The following CBL variants were observed in gnomAD, a reference collection of about 807,000 sequenced individuals.
CBL encodes E3 ubiquitin-protein ligase CBL.
In CBL, 45 loss-of-function variants were observed where a neutral mutation model predicts 96.9. The ratio of observed to expected loss-of-function variants is 0.46; its 90% CI spans 0.37 to 0.60. The LOEUF is 0.60. Among genes scored for constraint, CBL ranks in the 20% least tolerant of loss-of-function variants. CBL has a pLI of 0.00. For missense variants in CBL, 1,024 were observed against 1,143.5 expected, an observed-to-expected ratio of 0.90 and a Z score of 1.51; for synonymous variants, 420 against 426.8, an observed-to-expected ratio of 0.98 and a Z score of 0.20.
chr11:119,304,008 C>T lies in CBL; in HGVS notation c.*4227C>T, dbSNP rs750704582. On this transcript the variant is annotated 3_prime_UTR_variant, in exon 16 of 16. Transcript: ENST00000264033. ...GGGCTGGAGGTGTGGGCCCTGTCTTCGGGTCTCAGGACCCAAAGATCCTTT... is the reference window on the plus strand; with the variant it reads ...GGGCTGGAGGTGTGGGCCCTGTCTTTGGGTCTCAGGACCCAAAGATCCTTT... The T allele has an allele frequency of 1.0e-4, 24 of 233,510 alleles. No homozygotes were observed. The highest frequency in any genetic ancestry group is 1.9e-4 in the Non-Finnish European group (22 of 118,048). 14.5% of individuals were successfully genotyped at this position (233,510 alleles called of 1,614,324 possible). A position where few individuals can be genotyped will look rare whatever the true frequency, so the allele number is the denominator to read the frequency against.
intron 2 of CBL, among the ~76,000 whole-genome samples, chr11:119,250,702 C>T (rs899988561): frequency 1.3e-5 from 2 of 152,182 alleles, no homozygotes; most frequent in Non-Finnish European, 2.9e-5. Context: ...GTAATCTCAG[C>T]ACTTTCAGAG....
Position 119,262,876 on chromosome 11 carries a change from A to G in CBL, c.444-8859A>G, listed in dbSNP as rs1048602802. ...GAACTTTGAAGAATGGGCAGGATTT[A>G]GTAACCGTAGTCATTGGAAAGGAAA... On this transcript the variant is annotated intron_variant, in intron 2 of 15. Coordinates refer to ENST00000264033, the MANE Select transcript of CBL (RefSeq NM_005188.4). Among the ~76,000 whole-genome samples, 3 of 152,230 alleles carry G rather than the reference A, an allele frequency of 2.0e-5. No individual in the cohort carries two copies. In the East Asian group the frequency reaches 5.8e-4, roughly 29 times the overall value.
chr11:119,211,758 C>T (rs1400112519), intron 1 of CBL, among the ~76,000 whole-genome samples: 1 of 150,720 alleles, frequency 6.6e-6, no homozygotes, highest in Non-Finnish European at 1.5e-5. Context: ...CCTGCCTCAG[C>T]TTCCAAAAGT....
chr11:119,296,344 T>G (rs1309185588), intron 12 of CBL, among the ~76,000 whole-genome samples: 1 of 152,194 alleles, frequency 6.6e-6, no homozygotes, highest in Non-Finnish European at 1.5e-5. Context: ...AAGTCTTGTT[T>G]CCAAAGTTTC....
intron 2 of CBL, among the ~76,000 whole-genome samples, chr11:119,238,693 T>C (rs1037757845): frequency 1.3e-5 from 2 of 152,018 alleles, no homozygotes; most frequent in African/African-American, 4.8e-5. Flanking sequence ...TAGCCAGGTG[T>C]GCTGGCGAGT....
In CBL at chr11:119,271,727, A is replaced by G; in HGVS notation, c.444-8A>G. The G allele has an allele frequency of 6.2e-7, 1 of 1,613,002 alleles. No homozygotes were observed. Among genetic ancestry groups the G allele is most frequent in the Non-Finnish European group, 8.5e-7 (1 of 1,179,054 alleles). ...TGTGTTTAATTATTGCATTCTGATC[A>G]TTTGTAGGCGAAACCTAACCAAACT... On this transcript the variant is annotated splice_polypyrimidine_tract_variant and splice_region_variant and intron_variant, in intron 2 of 15. Transcript: ENST00000264033.
At position 119,278,204 on chromosome 11, in the gene CBL, C is replaced by T. The variant is rs749897878; in HGVS notation, c.1134C>T (p.Phe378=). ...TATACTGTGAGATGGGCTCCACATT[C>T]CAACTATGTAAAATATGTGCTGAAA... The part of the protein sequence containing the change: ...YELYCEMGST[F]QLCKICAEND... The change falls in exon 8 of 16, where the codon TTC becomes TTT. Residue 378 remains phenylalanine (F), a synonymous_variant. Coordinates refer to ENST00000264033, the MANE Select transcript of CBL (RefSeq NM_005188.4). 1.2e-6 allele frequency: 2 copies of T among 1,610,654 alleles called. No individual in the cohort carries two copies. Among genetic ancestry groups the T allele is most frequent in the South Asian group, 1.1e-5 (1 of 91,018 alleles).
At chr11:119,288,330 T>C (rs897567608) in intron 12 of CBL, among the ~76,000 whole-genome samples, 1 of 152,150 alleles carries the variant, frequency 6.6e-6, no homozygotes, top group Non-Finnish European at 1.5e-5. Context: ...ACATATTGGG[T>C]GGTTTAAATA....
chr11:119,304,613 T>G lies in CBL; in HGVS notation c.*4832T>G, dbSNP rs1261925329. 1 of 229,826 alleles carries G rather than the reference T, an allele frequency of 4.4e-6. No homozygotes were observed. Among genetic ancestry groups the G allele is most frequent in the African/African-American group, 2.2e-5 (1 of 45,050 alleles). 14.2% of individuals were successfully genotyped at this position (229,826 alleles called of 1,614,324 possible). On this transcript the variant is annotated 3_prime_UTR_variant, in exon 16 of 16. Transcript: ENST00000264033. ...TCTGGGGATCACCATGAACAAATTC[T>G]CAATTTCCCATACTTAATTTTTTTT...
At chr11:119,292,341 C>T (rs1171069575) in intron 12 of CBL, among the ~76,000 whole-genome samples, 1 of 151,516 alleles carries the variant, frequency 6.6e-6, no homozygotes, top group African/African-American at 2.4e-5. Flanking sequence ...TAGACCTTTT[C>T]ACTATGTCTC....
intron 1 of CBL, among the ~76,000 whole-genome samples, chr11:119,214,501 G>C (rs561473073): frequency 6.6e-6 from 1 of 152,114 alleles, no homozygotes; most frequent in African/African-American, 2.4e-5. Context: ...CGCCCACTGC[G>C]ACCTCCCAAA....
At chr11:119,290,836 A>ATTTTTTAT (rs1950021804) in intron 12 of CBL, among the ~76,000 whole-genome samples, 1 of 150,772 alleles carries the variant, frequency 6.6e-6, no homozygotes, top group Admixed American at 6.6e-5. Flanking sequence ...TGCCCAGCTA[A>ATTTTTTAT]TTTTTTATTT....
chr11:119,210,331 T>G (rs1391545775), intron 1 of CBL, among the ~76,000 whole-genome samples: 1 of 151,936 alleles, frequency 6.6e-6, no homozygotes, highest in Non-Finnish European at 1.5e-5. Flanking sequence ...AGCTGTTGAG[T>G]CAGCCACTGC....
intron 2 of CBL, among the ~76,000 whole-genome samples, chr11:119,260,122 A>C (rs1014553814): frequency 6.6e-6 from 1 of 152,186 alleles, no homozygotes; most frequent in African/African-American, 2.4e-5. Flanking sequence ...TATCCTCTTC[A>C]TCAGCAAACC....
intron 9 of CBL, among the ~76,000 whole-genome samples, chr11:119,283,721 T>G (rs977566059): frequency 7.7e-6 from 1 of 130,606 alleles, no homozygotes; most frequent in African/African-American, 2.9e-5. Context: ...CACTGCAAGC[T>G]CCGCCTCCCG....
intron 4 of CBL, 78 bp from the exon 5 acceptor site, chr11:119,274,754 T>G (rs1446753328): frequency 2.1e-5 from 18 of 841,302 alleles, no homozygotes; most frequent in Admixed American, 2.6e-5. Context: ...GTTGGTGTTG[T>G]TTTTTTTTTT....
At chr11:119,257,770 A>G (rs1378863844) in intron 2 of CBL, among the ~76,000 whole-genome samples, 1 of 152,148 alleles carries the variant, frequency 6.6e-6, no homozygotes, top group East Asian at 1.9e-4. Flanking sequence ...ACATGTGGCT[A>G]TGCAGTTTTC....
At chr11:119,287,796 C>A in intron 11 of CBL, 56 bp from the exon 12 acceptor site, 1 of 1,072,870 alleles carries the variant, frequency 9.3e-7, no homozygotes, top group Non-Finnish European at 1.5e-6. Flanking sequence ...TCAATAAGAG[C>A]AGAGGCTCAG....
intron 1 of CBL, among the ~76,000 whole-genome samples, chr11:119,224,058 A>G (rs1348476626): frequency 6.6e-6 from 1 of 152,192 alleles, no homozygotes; most frequent in Non-Finnish European, 1.5e-5. Flanking sequence ...CCTGGTCATG[A>G]TGATTCATTT....
Sources: gnomAD v4.1 joint callset for allele counts (sites outside exome capture counted in the v4.1 genomes callset) on GRCh38, gnomAD v4.1.1 for gene constraint, MANE v1.5 for transcripts, NCBI Gene and HGNC (gene_info 2026-07-23, HGNC 2026-07-21) for gene names.